ABCA13: variants seen among roughly 807,000 people sequenced by gnomAD.
ABCA13 encodes ATP-binding cassette sub-family A member 13.
Under a neutral mutation model 478.7 loss-of-function variants are expected in ABCA13, and 476 were observed. The ratio of observed to expected loss-of-function variants is 0.99; its 90% confidence interval spans 0.92 to 1.07. The LOEUF (loss-of-function observed/expected upper bound fraction) is 1.07. Ranked by LOEUF, ABCA13 falls within the 50% of genes least tolerant of loss-of-function variation. The probability of loss-of-function intolerance (pLI) is 0.00; values close to 1 mark genes in which losing one functional copy is unlikely to be tolerated. For synonymous variants in ABCA13, 2,252 were observed against 2,158.9 expected, an observed-to-expected ratio of 1.04 and a Z score of -1.20; for missense variants, 6,060 against 5,910.6, an observed-to-expected ratio of 1.03 and a Z score of -0.83.
At chr7:48,188,551 G>A (rs566666879) in intron 1 of ABCA13, among the ~76,000 whole-genome samples, 29 of 152,192 alleles carry the variant, frequency 1.9e-4, no homozygotes, top group African/African-American at 6.7e-4. Context: ...ATCTGCTCTA[G>A]AAACTTTTTT....
intron 46 of ABCA13, among the ~76,000 whole-genome samples, chr7:48,481,832 CT>C (rs1828801713): frequency 6.6e-6 from 1 of 152,036 alleles, no homozygotes; most frequent in South Asian, 2.1e-4. Context: ...GTGCCCAGAA[CT>C]TAGAATATTA....
intron 29 of ABCA13, among the ~76,000 whole-genome samples, chr7:48,341,430 G>C (rs957643235): frequency 1.3e-5 from 2 of 151,948 alleles, no homozygotes; most frequent in Admixed American, 6.6e-5. Flanking sequence ...TTGTTTTGTT[G>C]TCATGTTTTG....
rs1255835433 is a variant in ABCA13 at position 48,275,292 on chromosome 7, G to A, written c.5626G>A (p.Glu1876Lys). The A allele has an allele frequency of 6.2e-7, 1 of 1,613,876 alleles. No individual in the cohort carries two copies. The change falls in exon 17 of 62, where the codon GAA (glutamate) becomes AAA (lysine). Residue 1876 changes from glutamate (E) to lysine (K), a missense_variant. By Grantham distance (56) the Glu-to-Lys change is moderately conservative (BLOSUM62 1). Coordinates refer to ENST00000435803, the MANE Select transcript of ABCA13 (RefSeq NM_152701.5). ...PQGEDSPCSNESSRMEITRKV... is the reference protein window; with the variant it reads ...PQGEDSPCSNKSSRMEITRKV... ...AGGTGAAGATTCACCATGTTCAAAT[G>A]AAAGCTCCCGAATGGAAATAACTAG...
intron 3 of ABCA13, among the ~76,000 whole-genome samples, chr7:48,209,784 A>T (rs1260348781): frequency 6.6e-6 from 1 of 152,188 alleles, no homozygotes; most frequent in Admixed American, 6.5e-5. Context: ...ATAGTTGCTC[A>T]CAGTAGTCTC....
intron 20 of ABCA13, among the ~76,000 whole-genome samples, chr7:48,292,650 C>T (rs1798698434): frequency 6.6e-6 from 1 of 152,192 alleles, no homozygotes; most frequent in African/African-American, 2.4e-5. Flanking sequence ...ACCTCAGGGC[C>T]TTTGCACTTG....
intron 39 of ABCA13, among the ~76,000 whole-genome samples, chr7:48,409,542 T>G (rs62447266): frequency 0.19 from 29,614 of 152,036 alleles, 3,273 homozygotes; most frequent in East Asian, 0.23. Flanking sequence ...CTCTCTGTGG[T>G]TCATGGCTAC....
chr7:48,551,481 C>G (rs182795634), intron 55 of ABCA13, among the ~76,000 whole-genome samples: 7 of 151,786 alleles, frequency 4.6e-5, no homozygotes, highest in South Asian at 2.1e-4. Flanking sequence ...GAGTTACAGA[C>G]ACATAAATCT....
intron 2 of ABCA13, among the ~76,000 whole-genome samples, chr7:48,193,814 A>AGATGGAGAT (rs1797461506): frequency 7.9e-5 from 1 of 12,608 alleles, no homozygotes; most frequent in Non-Finnish European, 1.8e-4. Context: ...ATGATTGGGA[A>AGATGGAGAT]AATAGTGATG....
intron 36 of ABCA13, among the ~76,000 whole-genome samples, chr7:48,388,777 A>C (rs1409567088): frequency 6.6e-6 from 1 of 152,206 alleles, no homozygotes; most frequent in African/African-American, 2.4e-5. Context: ...TTAAACAAAA[A>C]TACATGTGTG....
At chr7:48,451,071 C>T (rs1310006449) in intron 42 of ABCA13, among the ~76,000 whole-genome samples, 3 of 147,904 alleles carry the variant, frequency 2.0e-5, no homozygotes, top group African/African-American at 7.5e-5. Flanking sequence ...GATCTTGGCT[C>T]ACTGCAACCT....
chr7:48,554,357 TA>T (rs1228859785), intron 55 of ABCA13, among the ~76,000 whole-genome samples: 1 of 151,990 alleles, frequency 6.6e-6, no homozygotes, highest in African/African-American at 2.4e-5. Flanking sequence ...TCTATTTCTG[TA>T]AGAATGCCAT....
At chr7:48,469,981 A>G (rs1174261120) in intron 44 of ABCA13, among the ~76,000 whole-genome samples, 3 of 151,972 alleles carry the variant, frequency 2.0e-5, no homozygotes, top group Non-Finnish European at 2.9e-5. Context: ...AGTAGAGAGA[A>G]CTATTTCACC....
chr7:48,466,277 A>G (rs1288677165), intron 43 of ABCA13, among the ~76,000 whole-genome samples: 2 of 152,196 alleles, frequency 1.3e-5, no homozygotes, highest in East Asian at 1.9e-4. Context: ...AGTGACATGA[A>G]TAGTGTCTTA....
chr7:48,340,968 T>C (rs921478393), intron 29 of ABCA13, among the ~76,000 whole-genome samples: 2 of 152,212 alleles, frequency 1.3e-5, no homozygotes, highest in African/African-American at 4.8e-5. Context: ...TCTTGATTTA[T>C]TTGTTACAGG....
At chr7:48,398,927 A>T (rs1415700443) in intron 38 of ABCA13, among the ~76,000 whole-genome samples, 4 of 152,168 alleles carry the variant, frequency 2.6e-5, no homozygotes, top group Admixed American at 2.0e-4. Flanking sequence ...AAGTGAACCA[A>T]GTCCACTAAT....
intron 1 of ABCA13, among the ~76,000 whole-genome samples, chr7:48,172,871 T>G (rs1047882884): frequency 1.3e-5 from 2 of 149,388 alleles, no homozygotes; most frequent in African/African-American, 4.9e-5. Flanking sequence ...GAGACAGTCT[T>G]CATTGATTGT....
At chr7:48,490,723 T>C (rs1285742048) in intron 48 of ABCA13, among the ~76,000 whole-genome samples, 1 of 152,248 alleles carries the variant, frequency 6.6e-6, no homozygotes, top group Admixed American at 6.5e-5. Flanking sequence ...ATTGTTGATC[T>C]CTTTGGAAAG....
intron 11 of ABCA13, among the ~76,000 whole-genome samples, chr7:48,245,223 T>G (rs1426484319): frequency 2.6e-5 from 4 of 152,220 alleles, no homozygotes; most frequent in African/African-American, 9.7e-5. Flanking sequence ...TTTGGACTTT[T>G]GCCCAGATGG....
At chr7:48,618,374 T>A (rs1792802465) in intron 59 of ABCA13, among the ~76,000 whole-genome samples, 1 of 152,206 alleles carries the variant, frequency 6.6e-6, no homozygotes, top group African/African-American at 2.4e-5. Flanking sequence ...TAACAGAGCA[T>A]TAACACCCCA....
Sources: allele counts gnomAD v4.1 joint callset (sites outside exome capture counted in the v4.1 genomes callset), GRCh38; gene constraint gnomAD v4.1.1; transcripts MANE v1.5; gene names NCBI Gene and HGNC (gene_info 2026-07-23, HGNC 2026-07-21).